The following TNFRSF13B variants were observed in gnomAD, a reference collection of about 807,000 sequenced individuals.
TNFRSF13B encodes the protein tumor necrosis factor receptor superfamily member 13B.
TNFRSF13B carries 34 observed loss-of-function variants against 24.0 expected under a neutral mutation model. The observed-to-expected ratio is 1.41, with a 90% CI of 1.08 to 1.88. The LOEUF (loss-of-function observed/expected upper bound fraction) is 1.88, where lower values mean the gene tolerates loss of function less well. TNFRSF13B is among the 40% of genes most tolerant of loss of function. TNFRSF13B has a pLI of 0.00. For missense variants in TNFRSF13B, 415 were observed against 380.8 expected (o/e 1.09, Z -0.75); for synonymous variants, 173 against 150.3 (o/e 1.15, Z -1.10).
chr17:16,960,814 A>G (rs2087657304), intron 1 of TNFRSF13B, among the ~76,000 whole-genome samples: 1 of 152,240 alleles, frequency 6.6e-6, no homozygotes, highest in Admixed American at 6.5e-5. Flanking sequence ...GTGAAAAGAC[A>G]ACTCACAGAA....
chr17:16,955,465 C>T (rs2087618179), intron 1 of TNFRSF13B, among the ~76,000 whole-genome samples: 1 of 152,146 alleles, frequency 6.6e-6, no homozygotes, highest in African/African-American at 2.4e-5. Flanking sequence ...ATAAAAACAT[C>T]AGTAGAAGGG....
At chr17:16,963,528 GTTTTGT>G (rs113941395) in intron 1 of TNFRSF13B, among the ~76,000 whole-genome samples, 14 of 150,992 alleles carry the variant, frequency 9.3e-5, no homozygotes, top group South Asian at 2.2e-4. Context: ...TTCTTATCAA[GTTTTGT>G]TTTTGTTTTT....
intron 1 of TNFRSF13B, among the ~76,000 whole-genome samples, chr17:16,963,647 TC>T (rs1297135720): frequency 6.6e-6 from 1 of 152,214 alleles, no homozygotes; most frequent in Non-Finnish European, 1.5e-5. Flanking sequence ...CCTCCTGGGT[TC>T]ACGTCATTCT....
At chr17:16,954,760 G>A (rs2087613493) in intron 1 of TNFRSF13B, among the ~76,000 whole-genome samples, 2 of 152,138 alleles carry the variant, frequency 1.3e-5, no homozygotes, top group African/African-American at 4.8e-5. Context: ...ACATAAAGAG[G>A]GTGTGACCCC....
chr17:16,967,441 C>G (rs1026241623), intron 1 of TNFRSF13B, among the ~76,000 whole-genome samples: 10 of 151,888 alleles, frequency 6.6e-5, no homozygotes, highest in Non-Finnish European at 1.3e-4. Context: ...GTCATGTATA[C>G]ATTAAAAAAT....
intron 1 of TNFRSF13B, among the ~76,000 whole-genome samples, chr17:16,955,344 T>A (rs1330406956): frequency 1.3e-5 from 2 of 151,984 alleles, no homozygotes; most frequent in Non-Finnish European, 2.9e-5. Context: ...ACAGTTGAGA[T>A]CCCCAGAAAT....
Position 16,948,976 on chromosome 17 carries a change from G to T in TNFRSF13B, c.207C>A (p.Leu69=), listed in dbSNP as rs765245909. ...QRTCAAFCRS[L]SCRKEQGKFY... ...ACTTGCCTTGCTCCTTGCGGCAGCT[G>T]AGTGACCCTGGGAGAGAGAAATTCA... The change falls in exon 3 of 5, where the codon CTC becomes CTA. Residue 69 remains leucine, a synonymous_variant. Coordinates refer to ENST00000261652, the MANE Select transcript of TNFRSF13B (RefSeq NM_012452.3). 6.2e-7 allele frequency: 1 copy of T among 1,614,060 alleles called. No individual in the cohort carries two copies. The highest frequency in any genetic ancestry group is 8.5e-7 in the Non-Finnish European group (1 of 1,180,006).
chr17:16,946,831 G>T (rs558545817), intron 3 of TNFRSF13B, among the ~76,000 whole-genome samples: 251 of 152,104 alleles, frequency 1.7e-3, no homozygotes, highest in African/African-American at 5.8e-3. Context: ...CAAGTGATCC[G>T]CCTGCCTCTG....
intron 1 of TNFRSF13B, among the ~76,000 whole-genome samples, chr17:16,957,540 C>T (rs904061520): frequency 6.6e-6 from 1 of 152,004 alleles, no homozygotes; most frequent in African/African-American, 2.4e-5. Flanking sequence ...GAAGCCCACA[C>T]CAGGACATAT....
At chr17:16,955,303 A>C (rs2087617083) in intron 1 of TNFRSF13B, among the ~76,000 whole-genome samples, 1 of 152,246 alleles carries the variant, frequency 6.6e-6, no homozygotes, top group Non-Finnish European at 1.5e-5. Flanking sequence ...ACACGCGGGA[A>C]ACAGAAGAGC....
At position 16,968,159 on chromosome 17, in the gene TNFRSF13B, A is replaced by AG. The variant is rs1233947731; in HGVS notation, c.61+3855_61+3856insC. On this transcript the variant is annotated intron_variant, in intron 1 of 4. Coordinates refer to ENST00000261652, the MANE Select transcript of TNFRSF13B (RefSeq NM_012452.3). ...CCTGTCTCAAAAAAAAAAAAAAAGA[A>AG]AAAAGAAAGGAAAAGAAATGCAAGA... Among the ~76,000 whole-genome samples, 219 of 150,534 alleles carry AG rather than the reference A, an allele frequency of 1.5e-3. 4 individuals are homozygous for AG. Among genetic ancestry groups the AG allele is most frequent in the African/African-American group, 5.2e-3 (211 of 40,422 alleles).
In TNFRSF13B at chr17:16,964,237, A is replaced by C. The variant is rs2087683573; in HGVS notation, c.61+7778T>G. On this transcript the variant is annotated intron_variant, in intron 1 of 4. Transcript: ENST00000261652. ...TATGCTTTTTCCCCGGGCTATTTTG[A>C]AATACTGAAAATGGCTCTAAGACCC... 4.6e-5 allele frequency among the ~76,000 whole-genome samples: 7 copies of C among 151,978 alleles called. No individual in the cohort carries two copies. The South Asian group carries it at 1.5e-3, about 32-fold the overall frequency.
chr17:16,958,877 A>T (rs1241939695), intron 1 of TNFRSF13B, among the ~76,000 whole-genome samples: 2 of 152,068 alleles, frequency 1.3e-5, no homozygotes, highest in Admixed American at 1.3e-4. Flanking sequence ...GGGATATTTC[A>T]GTACCTCACT....
intron 2 of TNFRSF13B, 45 bp downstream of exon 2, chr17:16,952,401 G>A (rs1368282218): frequency 3.7e-6 from 6 of 1,613,076 alleles, no homozygotes; most frequent in South Asian, 1.1e-5. Context: ...GGAGAAAGGA[G>A]GAGGGTGATC....
chr17:16,942,074 T>C (rs773865957), intron 3 of TNFRSF13B, among the ~76,000 whole-genome samples: 6 of 152,306 alleles, frequency 3.9e-5, no homozygotes, highest in Middle Eastern at 3.4e-3. Context: ...CATCCACATG[T>C]TTGTGTGGAT....
intron 3 of TNFRSF13B, among the ~76,000 whole-genome samples, 192 bp downstream of exon 3, chr17:16,948,546 C>A (rs2087564957): frequency 6.6e-6 from 1 of 152,208 alleles, no homozygotes; most frequent in Admixed American, 6.5e-5. Context: ...CTGCTTTCTT[C>A]TTGTCCACAG....
chr17:16,952,434 C>T lies in TNFRSF13B; in HGVS notation c.199+12G>A, dbSNP rs574642885. On this transcript the variant is annotated intron_variant, in intron 2 of 4. Coordinates refer to ENST00000261652, the MANE Select transcript of TNFRSF13B (RefSeq NM_012452.3). ...ATCACACTGTCCCCTCGGCTCAGGC[C>T]CCAGAACTCACTGCAGAAGGCTGCA... The T allele has an allele frequency of 3.5e-5, 57 of 1,613,984 alleles. 1 individual carries two copies. The East Asian group carries it at 1.2e-3, about 33-fold the overall frequency.
intron 3 of TNFRSF13B, chr17:16,941,505 T>G: frequency 1.0e-6 from 1 of 987,640 alleles, no homozygotes; most frequent in Non-Finnish European, 1.2e-6. Context: ...TGAGCCAGAT[T>G]TAAGATGACA....
In TNFRSF13B at chr17:16,951,323, A is replaced by G. The variant is rs192219529; in HGVS notation, c.199+1123T>C. ...TCCCCTGCCAGGGAGCTCCCAGTCT[A>G]GTGGTTGAGTCAGACATAAAACACA... On this transcript the variant is annotated intron_variant, in intron 2 of 4. Transcript: ENST00000261652. 3.5e-3 allele frequency among the ~76,000 whole-genome samples: 531 copies of G among 152,344 alleles called. 6 individuals are homozygous for G. The highest frequency in any genetic ancestry group is 0.012 in the African/African-American group (516 of 41,572).
Sources: allele counts gnomAD v4.1 joint callset (sites outside exome capture counted in the v4.1 genomes callset), GRCh38; gene constraint gnomAD v4.1.1; transcripts MANE v1.5; gene names NCBI Gene and HGNC (gene_info 2026-07-23, HGNC 2026-07-21).